Variants in NIPAL3 observed in about 807,000 individuals in gnomAD.
NIPAL3 encodes NIPA like domain containing 3, also known as NIPA-like protein 3.
NIPAL3 carries 41 observed loss-of-function variants against 47.2 expected under a neutral mutation model. The observed-to-expected ratio is 0.87, with a 90% CI of 0.68 to 1.13. The LOEUF is 1.13. Ranked by LOEUF, NIPAL3 falls within the 50% of genes most tolerant of loss-of-function variation. NIPAL3 has a pLI of 0.00. For synonymous variants in NIPAL3, 194 were observed against 209.6 expected, an observed-to-expected ratio of 0.93 and a Z score of 0.64; for missense variants, 449 against 530.1, an observed-to-expected ratio of 0.85 and a Z score of 1.50.
chr1:24,457,353 C>T (rs1367773355), intron 8 of NIPAL3, among the ~76,000 whole-genome samples: 1 of 152,152 alleles, frequency 6.6e-6, no homozygotes, highest in Non-Finnish European at 1.5e-5. Context: ...CAACAGAGGG[C>T]CTGGGAGGAG....
chr1:24,466,242 T>G, intron 11 of NIPAL3: 1 of 658,854 alleles, frequency 1.5e-6, no homozygotes, highest in Non-Finnish European at 2.5e-6. Context: ...AAGGCCACTC[T>G]GCAGCTGTGA....
intron 4 of NIPAL3, 129 bp downstream of exon 4, chr1:24,442,355 G>A: frequency 1.0e-6 from 1 of 983,750 alleles, no homozygotes; most frequent in Non-Finnish European, 1.5e-6. Flanking sequence ...CTAATACAAA[G>A]GGCTTCAGAC....
At chr1:24,459,973 C>T (rs11809401) in intron 9 of NIPAL3, among the ~76,000 whole-genome samples, 3,939 of 152,292 alleles carry the variant, frequency 0.026, 133 homozygotes, top group African/African-American at 0.08. Context: ...TCCCATACCA[C>T]AGGAGTAGAC....
intron 4 of NIPAL3, 122 bp from the exon 5 acceptor site, chr1:24,445,063 G>A (rs1645592362): frequency 3.3e-6 from 2 of 613,546 alleles, no homozygotes; most frequent in Non-Finnish European, 2.9e-6. Flanking sequence ...TTGGCAGCAT[G>A]AGTGACAGGT....
In NIPAL3 at chr1:24,470,364, T is replaced by C. The variant is rs1646863156; in HGVS notation, c.*1179T>C. The stretch of plus-strand genomic sequence containing the variant: ...CCTAGAAGCATATGTAAAATGCAGA[T>C]TCCTGCACCCCAACTGCAGACACTG... On this transcript the variant is annotated 3_prime_UTR_variant, in exon 12 of 12. Coordinates refer to ENST00000374399, the MANE Select transcript of NIPAL3 (RefSeq NM_020448.5). The C allele has an allele frequency of 1.3e-5, 2 of 152,196 alleles. No homozygotes were observed. Among genetic ancestry groups the C allele is most frequent in the South Asian group, 2.1e-4 (1 of 4,836 alleles). 9.4% of individuals were successfully genotyped at this position (152,196 alleles called of 1,614,324 possible).
At chr1:24,443,987 C>T (rs959799757) in intron 4 of NIPAL3, among the ~76,000 whole-genome samples, 2 of 149,788 alleles carry the variant, frequency 1.3e-5, no homozygotes, top group Admixed American at 6.7e-5. Context: ...TATTAGTCTT[C>T]GAATTTTAAT....
At chr1:24,429,272 C>T (rs1425695824) in intron 2 of NIPAL3, among the ~76,000 whole-genome samples, 3 of 152,198 alleles carry the variant, frequency 2.0e-5, no homozygotes, top group South Asian at 2.1e-4. Context: ...ATTAGCTGGG[C>T]ATGGTGGCAC....
intron 1 of NIPAL3, among the ~76,000 whole-genome samples, chr1:24,417,358 G>A (rs951163577): frequency 7.2e-5 from 11 of 152,142 alleles, no homozygotes; most frequent in African/African-American, 2.7e-4. Context: ...AATGCTTCCC[G>A]GGGCCTCTCA....
chr1:24,424,678 G>A (rs1303054201), intron 2 of NIPAL3, among the ~76,000 whole-genome samples: 2 of 152,200 alleles, frequency 1.3e-5, no homozygotes, highest in Non-Finnish European at 2.9e-5. Context: ...AATGGGGCTT[G>A]GAAGGTTCTA....
At chr1:24,424,707 T>C (rs4648983) in intron 2 of NIPAL3, among the ~76,000 whole-genome samples, 106,288 of 152,060 alleles carry the variant, frequency 0.7, 38,068 homozygotes, top group African/African-American at 0.88. Flanking sequence ...ACCTCCCCTT[T>C]AAAAGAGGGA....
At chr1:24,468,897 A>C in intron 11 of NIPAL3, 89 bp from the exon 12 acceptor site, 3 of 1,189,984 alleles carry the variant, frequency 2.5e-6, no homozygotes, top group Non-Finnish European at 3.7e-6. Flanking sequence ...GCTGAGCACT[A>C]TAATTAGTCT....
At position 24,445,114 on chromosome 1, in the gene NIPAL3, G is replaced by A. The variant is rs538772323; in HGVS notation, c.335-71G>A. 6 of 1,044,086 alleles carry A rather than the reference G, an allele frequency of 5.7e-6. No homozygotes were observed. In the African/African-American group the frequency reaches 9.5e-5, roughly 16 times the overall value. 64.7% of individuals were successfully genotyped at this position (1,044,086 alleles called of 1,614,324 possible). On this transcript the variant is annotated intron_variant, in intron 4 of 11. Coordinates refer to ENST00000374399, the MANE Select transcript of NIPAL3 (RefSeq NM_020448.5). ...TCCAATGCAAAGAAGCCACCCAGAG[G>A]GCATGGGTGAAGGGATGCCCTTTAG... is the stretch of plus-strand genomic sequence containing the variant.
chr1:24,437,067 C>T (rs1309237875), intron 2 of NIPAL3, among the ~76,000 whole-genome samples: 2 of 151,896 alleles, frequency 1.3e-5, no homozygotes, highest in African/African-American at 2.4e-5. Context: ...CTGGATAACA[C>T]GGTGAAACCC....
At chr1:24,453,633 C>G in intron 7 of NIPAL3, 129 bp downstream of exon 7, 1 of 732,740 alleles carries the variant, frequency 1.4e-6, no homozygotes, top group South Asian at 1.7e-5. Context: ...GTTGTTCTGT[C>G]TCCATCAGTG....
Position 24,440,431 on chromosome 1 carries a change from G to A in NIPAL3, c.162+191G>A, listed in dbSNP as rs138258617. Among the ~76,000 whole-genome samples the A allele has an allele frequency of 2.3e-3, 357 of 152,148 alleles. 2 individuals are homozygous for A. Among genetic ancestry groups the A allele is most frequent in the African/African-American group, 8.0e-3 (333 of 41,514 alleles). On this transcript the variant is annotated intron_variant, in intron 3 of 11. Coordinates refer to ENST00000374399, the MANE Select transcript of NIPAL3 (RefSeq NM_020448.5). ...AGTGGCCCCACTCCATCCCGCCCTC[G>A]CCCTCCTAGCCAGGTCCTCACTGTC... is the stretch of plus-strand genomic sequence containing the variant.
In NIPAL3 at chr1:24,430,157, A is replaced by G. The variant is rs183364280; in HGVS notation, c.94-10015A>G. On this transcript the variant is annotated intron_variant, in intron 2 of 11. Coordinates refer to ENST00000374399, the MANE Select transcript of NIPAL3 (RefSeq NM_020448.5). ...ACTGCAAGTTTTGTTTCCCATAGCTAAAGTGCTAAGAACTTTATTCACATT... is the reference window on the plus strand; with the variant it reads ...ACTGCAAGTTTTGTTTCCCATAGCTGAAGTGCTAAGAACTTTATTCACATT... Among the ~76,000 whole-genome samples the G allele has an allele frequency of 3.2e-4, 48 of 152,334 alleles. No individual in the cohort carries two copies. The East Asian group carries it at 5.4e-3, about 17-fold the overall frequency.
Position 24,440,162 on chromosome 1 carries a change from T to C in NIPAL3, c.94-10T>C, listed in dbSNP as rs1377975660. 2.5e-6 allele frequency: 4 copies of C among 1,576,114 alleles called. No individual in the cohort carries two copies. In the Admixed American group the frequency reaches 7.3e-5, roughly 29 times the overall value. On this transcript the variant is annotated splice_polypyrimidine_tract_variant and intron_variant, in intron 2 of 11. Transcript: ENST00000374399. The stretch of plus-strand genomic sequence containing the variant: ...CAAATCATGTCCACTCCTGTGAACT[T>C]TCCTTACAGGAAAACCTGATTGGCG...
intron 5 of NIPAL3, among the ~76,000 whole-genome samples, chr1:24,446,588 C>G (rs368016585): frequency 2.0e-5 from 3 of 152,148 alleles, no homozygotes; most frequent in Admixed American, 6.5e-5. Context: ...CATCCATGTC[C>G]CTGCAAAGGA....
intron 5 of NIPAL3, among the ~76,000 whole-genome samples, chr1:24,446,242 ACTCT>A (rs1291559189): frequency 6.6e-6 from 1 of 151,814 alleles, no homozygotes; most frequent in African/African-American, 2.4e-5. Context: ...TCAGGGTCAG[ACTCT>A]CTGAGGAGGT....
Sources: allele counts gnomAD v4.1 joint callset (sites outside exome capture counted in the v4.1 genomes callset), GRCh38; gene constraint gnomAD v4.1.1; transcripts MANE v1.5; gene names NCBI Gene and HGNC (gene_info 2026-07-23, HGNC 2026-07-21).